The following CPED1 variants were observed in gnomAD, a reference collection of about 807,000 sequenced individuals.
CPED1 encodes cadherin like and PC-esterase domain containing 1.
A neutral mutation model predicts 128.2 loss-of-function variants in CPED1; 114 were observed. That is an observed-to-expected ratio of 0.89 (90% CI 0.76 to 1.04). The LOEUF (loss-of-function observed/expected upper bound fraction) is 1.04, where lower values mean the gene tolerates loss of function less well. Among genes scored for constraint, CPED1 ranks in the 50% least tolerant of loss-of-function variants. The pLI is 0.00. For missense variants in CPED1, 1,211 were observed against 1,207.1 expected, an observed-to-expected ratio of 1.00 and a Z score of -0.05; for synonymous variants, 462 against 426.7, an observed-to-expected ratio of 1.08 and a Z score of -1.02.
At chr7:121,097,111 T>C (rs1453838537) in intron 5 of CPED1, among the ~76,000 whole-genome samples, 2 of 152,176 alleles carry the variant, frequency 1.3e-5, no homozygotes, top group Non-Finnish European at 2.9e-5. Flanking sequence ...ATCATGTATA[T>C]GCAATAACTT....
At chr7:121,289,082 G>T (rs1792640381) in intron 22 of CPED1, among the ~76,000 whole-genome samples, 1 of 151,968 alleles carries the variant, frequency 6.6e-6, no homozygotes, top group African/African-American at 2.4e-5. Flanking sequence ...TTTTGACCCT[G>T]GGACCTAGAC....
chr7:121,228,467 T>A (rs1030389265), intron 16 of CPED1, among the ~76,000 whole-genome samples: 1 of 150,910 alleles, frequency 6.6e-6, no homozygotes, highest in Non-Finnish European at 1.5e-5. Flanking sequence ...GAATGACTAT[T>A]ATTAAAAAGA....
chr7:120,999,185 A>T (rs1791758861), intron 2 of CPED1, among the ~76,000 whole-genome samples: 1 of 152,140 alleles, frequency 6.6e-6, no homozygotes, highest in African/African-American at 2.4e-5. Context: ...GCTGAACTCA[A>T]AAGTCCTCCA....
intron 3 of CPED1, among the ~76,000 whole-genome samples, chr7:121,030,185 T>C (rs1184604231): frequency 6.6e-6 from 1 of 152,102 alleles, no homozygotes; most frequent in Non-Finnish European, 1.5e-5. Context: ...CACACATTTA[T>C]GTTCTACTCT....
At chr7:121,220,481 C>T (rs1797851213) in intron 16 of CPED1, among the ~76,000 whole-genome samples, 1 of 151,960 alleles carries the variant, frequency 6.6e-6, no homozygotes, top group African/African-American at 2.4e-5. Flanking sequence ...AGGAATCAAA[C>T]CTGCCAATGC....
At chr7:121,153,897 G>A (rs1319894707) in intron 16 of CPED1, among the ~76,000 whole-genome samples, 2 of 152,028 alleles carry the variant, frequency 1.3e-5, no homozygotes, top group African/African-American at 4.8e-5. Context: ...GAAAAAGTTA[G>A]GTATGTCATT....
intron 18 of CPED1, among the ~76,000 whole-genome samples, chr7:121,245,521 G>A (rs747461185): frequency 1.3e-5 from 2 of 152,018 alleles, no homozygotes; most frequent in South Asian, 2.1e-4. Flanking sequence ...AATTTTTGAC[G>A]CAGAATAGTA....
chr7:121,042,281 A>C (rs965400629), intron 3 of CPED1, among the ~76,000 whole-genome samples: 2 of 152,098 alleles, frequency 1.3e-5, no homozygotes, highest in Non-Finnish European at 1.5e-5. Flanking sequence ...GGTATTGCCA[A>C]TAGTATGATG....
At chr7:121,184,604 A>C (rs1447719044) in intron 16 of CPED1, among the ~76,000 whole-genome samples, 1 of 152,266 alleles carries the variant, frequency 6.6e-6, no homozygotes, top group East Asian at 1.9e-4. Context: ...ACAATATTAA[A>C]GATAATTCTG....
chr7:121,238,671 A>AAT lies in CPED1; in HGVS notation c.2173+1847_2173+1848dup, dbSNP rs576946299. Among the ~76,000 whole-genome samples, 144 of 151,872 alleles carry AAT rather than the reference A, an allele frequency of 9.5e-4. 1 individual carries two copies. The highest frequency in any genetic ancestry group is 3.3e-3 in the African/African-American group (138 of 41,488). On this transcript the variant is annotated intron_variant, in intron 17 of 22. Coordinates refer to ENST00000310396, the MANE Select transcript of CPED1 (RefSeq NM_024913.5). ...ATAGGGTGAAGCCAGTAAAGATTAA[A>AAT]ATATATATGCATTTATATTTTACCT...
intron 7 of CPED1, among the ~76,000 whole-genome samples, chr7:121,122,553 A>G (rs777745932): frequency 1.1e-4 from 16 of 152,210 alleles, no homozygotes; most frequent in Non-Finnish European, 4.4e-5. Context: ...GGATACCTCT[A>G]TAAAGTAGGC....
At chr7:121,134,032 A>G (rs777122240) in intron 13 of CPED1, 139 bp downstream of exon 13, 5 of 592,860 alleles carry the variant, frequency 8.4e-6, no homozygotes, top group Non-Finnish European at 1.2e-5. Flanking sequence ...AAATTTGGAA[A>G]GGATTTTCTT....
At chr7:121,195,832 TG>T (rs1383517653) in intron 16 of CPED1, among the ~76,000 whole-genome samples, 4 of 152,128 alleles carry the variant, frequency 2.6e-5, no homozygotes, top group African/African-American at 9.7e-5. Context: ...CAAGCTTGGT[TG>T]GTGTTTGGTG....
intron 2 of CPED1, among the ~76,000 whole-genome samples, chr7:120,990,614 A>C (rs1796294789): frequency 6.6e-6 from 1 of 152,198 alleles, no homozygotes; most frequent in Admixed American, 6.5e-5. Context: ...CCTGTAACAT[A>C]GTCAAGTGTA....
chr7:121,218,867 C>CA (rs995916151), intron 16 of CPED1, among the ~76,000 whole-genome samples: 4 of 151,950 alleles, frequency 2.6e-5, no homozygotes, highest in African/African-American at 9.6e-5. Context: ...TAAAAAATGA[C>CA]AAAAAAAGTT....
intron 7 of CPED1, among the ~76,000 whole-genome samples, chr7:121,117,264 C>T (rs1158722495): frequency 1.3e-5 from 2 of 151,460 alleles, no homozygotes; most frequent in African/African-American, 4.8e-5. Context: ...CCATGCCGGG[C>T]TACTTTTTGT....
chr7:121,062,823 C>A (rs1192209970), intron 4 of CPED1: 1 of 152,070 alleles, frequency 6.6e-6, no homozygotes, highest in Non-Finnish European at 1.5e-5. Context: ...GTAAGTCTCA[C>A]GAGATCTGAT....
chr7:120,996,979 C>G (rs111577867), intron 2 of CPED1, among the ~76,000 whole-genome samples: 92 of 152,348 alleles, frequency 6.0e-4, no homozygotes, highest in African/African-American at 2.1e-3. Flanking sequence ...CCAGCCTTAT[C>G]TCTACCCTGT....
At chr7:121,180,578 T>A (rs930460960) in intron 16 of CPED1, among the ~76,000 whole-genome samples, 2 of 152,024 alleles carry the variant, frequency 1.3e-5, no homozygotes, top group Non-Finnish European at 2.9e-5. Flanking sequence ...GTTCTCTCAG[T>A]GGGTCACACC....
Sources: allele counts gnomAD v4.1 joint callset (sites outside exome capture counted in the v4.1 genomes callset), GRCh38; gene constraint gnomAD v4.1.1; transcripts MANE v1.5; gene names NCBI Gene and HGNC (gene_info 2026-07-23, HGNC 2026-07-21).